Variants in CFAP299 observed in about 807,000 individuals in gnomAD.
The protein encoded by CFAP299 is cilia and flagella associated protein 299.
CFAP299 carries 21 observed loss-of-function variants against 27.0 expected under a neutral mutation model. That is an observed-to-expected ratio of 0.78 (90% CI 0.55 to 1.12). The LOEUF is 1.12. Ranked by LOEUF, CFAP299 falls within the 50% of genes most tolerant of loss-of-function variation. The pLI is 0.00. For missense variants in CFAP299, 310 were observed against 276.6 expected (o/e 1.12, Z -0.86); for synonymous variants, 104 against 98.1 (o/e 1.06, Z -0.36).
intron 2 of CFAP299, among the ~76,000 whole-genome samples, chr4:80,370,618 G>A (rs1457245048): frequency 6.6e-6 from 1 of 152,194 alleles, no homozygotes; most frequent in African/African-American, 2.4e-5. Flanking sequence ...CAGGCCCCAG[G>A]CAAGTCTGAA....
intron 3 of CFAP299, among the ~76,000 whole-genome samples, chr4:80,777,786 A>G (rs574668946): frequency 6.6e-6 from 1 of 152,114 alleles, no homozygotes; most frequent in Non-Finnish European, 1.5e-5. Context: ...AGAGAGGTAT[A>G]CTAAACTACA....
chr4:80,776,938 A>G (rs1012465623), intron 3 of CFAP299, among the ~76,000 whole-genome samples: 2 of 151,612 alleles, frequency 1.3e-5, no homozygotes, highest in Admixed American at 6.6e-5. Flanking sequence ...CCCTATAAAT[A>G]AAATAGGTTA....
chr4:80,473,568 A>C (rs1730117896), intron 2 of CFAP299, among the ~76,000 whole-genome samples: 1 of 151,962 alleles, frequency 6.6e-6, no homozygotes, highest in Non-Finnish European at 1.5e-5. Context: ...GCCTTATTAA[A>C]AAAAAATAGA....
intron 1 of CFAP299, among the ~76,000 whole-genome samples, chr4:80,345,881 A>G (rs952603137): frequency 6.6e-6 from 1 of 152,132 alleles, no homozygotes; most frequent in African/African-American, 2.4e-5. Flanking sequence ...ACTAATTTAC[A>G]CTCCCACCAA....
intron 2 of CFAP299, among the ~76,000 whole-genome samples, chr4:80,414,350 G>T (rs963846572): frequency 6.6e-6 from 1 of 152,102 alleles, no homozygotes; most frequent in South Asian, 2.1e-4. Context: ...GATTACAGGC[G>T]TGAGCCACCG....
At chr4:80,722,178 G>A (rs1471450361) in intron 3 of CFAP299, among the ~76,000 whole-genome samples, 1 of 152,146 alleles carries the variant, frequency 6.6e-6, no homozygotes, top group African/African-American at 2.4e-5. Flanking sequence ...AGCACTTTGG[G>A]AGGCTGAGGT....
At chr4:80,523,901 A>G (rs1031251124) in intron 2 of CFAP299, among the ~76,000 whole-genome samples, 3 of 152,110 alleles carry the variant, frequency 2.0e-5, no homozygotes, top group African/African-American at 7.2e-5. Context: ...ACAGATTGAC[A>G]TCAACTTGAT....
chr4:80,657,187 C>G (rs575326732), intron 3 of CFAP299, among the ~76,000 whole-genome samples: 70 of 152,148 alleles, frequency 4.6e-4, no homozygotes, highest in African/African-American at 1.7e-3. Flanking sequence ...TGCCTGTTCA[C>G]GCTGATGATA....
intron 4 of CFAP299, among the ~76,000 whole-genome samples, chr4:80,891,846 A>AG (rs1450174072): frequency 2.1e-4 from 31 of 145,964 alleles, no homozygotes; most frequent in East Asian, 5.9e-4. Flanking sequence ...AAAAAAAAAA[A>AG]AAAGAAATTG....
At chr4:80,689,699 C>T (rs1191579218) in intron 3 of CFAP299, among the ~76,000 whole-genome samples, 4 of 152,112 alleles carry the variant, frequency 2.6e-5, no homozygotes, top group Non-Finnish European at 5.9e-5. Context: ...ACAATATTAA[C>T]TTTAAATGTA....
At chr4:80,671,208 G>A (rs1227526513) in intron 3 of CFAP299, among the ~76,000 whole-genome samples, 2 of 152,002 alleles carry the variant, frequency 1.3e-5, no homozygotes, top group Admixed American at 6.6e-5. Context: ...TTCTACATAT[G>A]GCTAGCCAGT....
chr4:80,848,104 G>T (rs182997355), intron 3 of CFAP299, among the ~76,000 whole-genome samples: 3 of 151,820 alleles, frequency 2.0e-5, no homozygotes, highest in Admixed American at 1.3e-4. Context: ...CCAGCTACTC[G>T]GGAGGCTGAG....
intron 3 of CFAP299, among the ~76,000 whole-genome samples, chr4:80,864,778 A>G (rs1011485949): frequency 6.6e-6 from 1 of 151,986 alleles, no homozygotes; most frequent in Non-Finnish European, 1.5e-5. Flanking sequence ...CATTAATGAC[A>G]AAAGTTTTCA....
intron 3 of CFAP299, among the ~76,000 whole-genome samples, chr4:80,737,384 T>C (rs1433751790): frequency 6.6e-6 from 1 of 152,162 alleles, no homozygotes; most frequent in Non-Finnish European, 1.5e-5. Context: ...TTTAAAAGTA[T>C]GGTAGAATTC....
intron 3 of CFAP299, among the ~76,000 whole-genome samples, chr4:80,594,156 A>G (rs1296827355): frequency 6.6e-6 from 1 of 152,196 alleles, no homozygotes; most frequent in Non-Finnish European, 1.5e-5. Context: ...TGGGTAATTT[A>G]TAAAGGAAAT....
intron 1 of CFAP299, among the ~76,000 whole-genome samples, chr4:80,353,696 C>T (rs1417979795): frequency 6.6e-6 from 1 of 151,586 alleles, no homozygotes; most frequent in East Asian, 1.9e-4. Flanking sequence ...TCTCCCTGGG[C>T]AGGTTGAGAG....
rs184799719 is a variant in CFAP299 at position 80,475,719 on chromosome 4, G to A, written c.243-107374G>A. On this transcript the variant is annotated intron_variant, in intron 2 of 5. Transcript: ENST00000358105. Reference sequence around the variant, plus strand: ...AACTCAATATAAAGTCAGGGTTAGAGTTGTACGTTCAGAAATAGATAAGTG... The same window carrying A: ...AACTCAATATAAAGTCAGGGTTAGAATTGTACGTTCAGAAATAGATAAGTG... Among the ~76,000 whole-genome samples the A allele has an allele frequency of 1.4e-4, 21 of 152,320 alleles. 1 individual carries two copies. Among genetic ancestry groups the A allele is most frequent in the Admixed American group, 1.4e-3 (21 of 15,300 alleles).
In CFAP299 at chr4:80,803,669, A is replaced by G. The variant is rs575371279; in HGVS notation, c.334-66324A>G. ...ATATTCAAAAAGAAGAATAAAAGCTAGTAAAATTAATTTTATTATTTAATA... is the reference window on the plus strand; with the variant it reads ...ATATTCAAAAAGAAGAATAAAAGCTGGTAAAATTAATTTTATTATTTAATA... On this transcript the variant is annotated intron_variant, in intron 3 of 5. Transcript: ENST00000358105. Among the ~76,000 whole-genome samples the G allele has an allele frequency of 1.0e-3, 157 of 150,992 alleles. 1 individual carries two copies. Among genetic ancestry groups the G allele is most frequent in the Non-Finnish European group, 2.0e-3 (138 of 67,750 alleles).
At chr4:80,643,926 A>C (rs1404034329) in intron 3 of CFAP299, among the ~76,000 whole-genome samples, 2 of 152,192 alleles carry the variant, frequency 1.3e-5, no homozygotes, top group African/African-American at 4.8e-5. Context: ...GAGGCAGTAC[A>C]GGATGCTTTA....
Sources: gnomAD v4.1 joint callset for allele counts (sites outside exome capture counted in the v4.1 genomes callset) on GRCh38, gnomAD v4.1.1 for gene constraint, MANE v1.5 for transcripts, NCBI Gene and HGNC (gene_info 2026-07-23, HGNC 2026-07-21) for gene names.